The following ANKH variants were observed in gnomAD, a reference collection of about 807,000 sequenced individuals.
ANKH encodes ANKH inorganic pyrophosphate transport regulator, also known as mineralization regulator ANKH.
A neutral mutation model predicts 49.0 loss-of-function variants in ANKH; 15 were observed. The ratio of observed to expected loss-of-function variants is 0.31; its 90% CI spans 0.20 to 0.47. ANKH has a LOEUF of 0.47. Ranked by LOEUF, ANKH falls within the 20% of genes least tolerant of loss-of-function variation. ANKH has a pLI of 1.00. For missense variants in ANKH, 429 were observed against 652.0 expected (o/e 0.66, Z 3.72); for synonymous variants, 273 against 260.0 (o/e 1.05, Z -0.48).
intron 8 of ANKH, among the ~76,000 whole-genome samples, chr5:14,739,141 G>C (rs1380839120): frequency 1.3e-5 from 2 of 152,196 alleles, no homozygotes; most frequent in African/African-American, 4.8e-5. Context: ...CTCCGGCTGG[G>C]CGCAGTGGCT....
chr5:14,793,113 T>G (rs1691007), intron 1 of ANKH, among the ~76,000 whole-genome samples: 1 of 140,158 alleles, frequency 7.1e-6, no homozygotes, highest in African/African-American at 2.7e-5. Flanking sequence ...ATTTATATAT[T>G]ATATATATAA....
chr5:14,711,389 C>G, intron 11 of ANKH, 79 bp from the exon 12 acceptor site: 1 of 1,298,640 alleles, frequency 7.7e-7, no homozygotes, highest in South Asian at 1.2e-5. Flanking sequence ...GGAGACAACA[C>G]CGGGGTCTTG....
chr5:14,733,371 T>G (rs1738066124), intron 8 of ANKH, among the ~76,000 whole-genome samples: 1 of 152,172 alleles, frequency 6.6e-6, no homozygotes, highest in Non-Finnish European at 1.5e-5. Context: ...AGTCAGCCTT[T>G]AAGAGAAAAT....
At chr5:14,816,560 G>A (rs1741044545) in intron 1 of ANKH, among the ~76,000 whole-genome samples, 1 of 152,116 alleles carries the variant, frequency 6.6e-6, no homozygotes, top group Non-Finnish European at 1.5e-5. Context: ...TTATAAAAGC[G>A]ACGTAAAAGC....
chr5:14,741,505 G>A (rs772429246), intron 8 of ANKH: 1 of 290,126 alleles, frequency 3.4e-6, no homozygotes, highest in Non-Finnish European at 6.6e-6. Context: ...TGGTTGTAAA[G>A]TTGACTTTCG....
intron 8 of ANKH, among the ~76,000 whole-genome samples, chr5:14,728,698 G>C (rs1478320744): frequency 6.6e-6 from 1 of 152,208 alleles, no homozygotes. Flanking sequence ...AGGTGAGACA[G>C]GGTCATTCTC....
rs1353320932 is a variant in ANKH at position 14,745,322 on chromosome 5, G to C, written c.915+548C>G. 6.6e-6 allele frequency among the ~76,000 whole-genome samples: 1 copy of C among 152,230 alleles called. No homozygotes were observed. Among genetic ancestry groups the C allele is most frequent in the African/African-American group, 2.4e-5 (1 of 41,462 alleles). On this transcript the variant is annotated intron_variant, in intron 7 of 11. Coordinates refer to ENST00000284268, the MANE Select transcript of ANKH (RefSeq NM_054027.6). The surrounding 1 kb of genome is among the most constrained non-coding windows in gnomAD (Gnocchi z 4.7). ...TGACTGGGTCACAAGTTACAGGGCA[G>C]AAGGGTTATGTGACTCCCATGGCTG... is the stretch of plus-strand genomic sequence containing the variant.
At chr5:14,838,692 T>G (rs943332557) in intron 1 of ANKH, among the ~76,000 whole-genome samples, 21 of 152,322 alleles carry the variant, frequency 1.4e-4, no homozygotes, top group Admixed American at 1.2e-3. Flanking sequence ...TAATTCCAGC[T>G]GGATTATTTT....
intron 1 of ANKH, chr5:14,797,897 GT>G: frequency 1.9e-6 from 3 of 1,611,734 alleles, no homozygotes; most frequent in Non-Finnish European, 2.5e-6. Flanking sequence ...GCAAGTCTGG[GT>G]TGCATTCTCC....
intron 1 of ANKH, among the ~76,000 whole-genome samples, chr5:14,853,712 T>G (rs1561085128): frequency 1.3e-5 from 2 of 152,136 alleles, no homozygotes; most frequent in African/African-American, 2.4e-5. Context: ...TCGCCCAGGC[T>G]GGAGTGCAGT....
intron 1 of ANKH, among the ~76,000 whole-genome samples, chr5:14,810,955 T>C (rs964041860): frequency 8.5e-5 from 13 of 152,258 alleles, no homozygotes; most frequent in African/African-American, 3.1e-4. Flanking sequence ...AAAATGCTAC[T>C]TTATGAAGAA....
chr5:14,846,018 G>A (rs972827007), intron 1 of ANKH, among the ~76,000 whole-genome samples: 1 of 151,676 alleles, frequency 6.6e-6, no homozygotes, highest in Non-Finnish European at 1.5e-5. Flanking sequence ...ACCACGCCCG[G>A]CAAATTTTTT....
intron 8 of ANKH, among the ~76,000 whole-genome samples, chr5:14,717,395 A>G (rs1206304076): frequency 6.6e-6 from 1 of 152,228 alleles, no homozygotes; most frequent in Non-Finnish European, 1.5e-5. Context: ...GAACTCTGGA[A>G]AGCAGATGGG....
rs916267921 is a variant in ANKH, at chr5:14,859,182, C to T, written c.96+12170G>A. 2.0e-5 allele frequency among the ~76,000 whole-genome samples: 3 copies of T among 152,194 alleles called. No homozygotes were observed. The South Asian group carries it at 6.2e-4, about 32-fold the overall frequency. The stretch of plus-strand genomic sequence containing the variant: ...CAACAGCTCCCTATTCTCCTCTCCC[C>T]TGGCCTCTGGTAACTACTATTCTAC... On this transcript the variant is annotated intron_variant, in intron 1 of 11. Coordinates refer to ENST00000284268, the MANE Select transcript of ANKH (RefSeq NM_054027.6).
chr5:14,855,244 A>G (rs922594917), intron 1 of ANKH, among the ~76,000 whole-genome samples: 4 of 152,206 alleles, frequency 2.6e-5, no homozygotes, highest in African/African-American at 9.7e-5. Flanking sequence ...TCCCAGAGCA[A>G]AGCCCCTGGT....
intron 1 of ANKH, among the ~76,000 whole-genome samples, chr5:14,779,781 A>G (rs1250743748): frequency 6.6e-6 from 1 of 152,200 alleles, no homozygotes; most frequent in Non-Finnish European, 1.5e-5. Context: ...TCGTTTCTCA[A>G]TAGATGGGTA....
At chr5:14,722,448 C>A (rs1737700068) in intron 8 of ANKH, among the ~76,000 whole-genome samples, 1 of 152,174 alleles carries the variant, frequency 6.6e-6, no homozygotes, top group African/African-American at 2.4e-5. Context: ...AGAGAAATGA[C>A]TCATTCTAGG....
intron 1 of ANKH, among the ~76,000 whole-genome samples, chr5:14,789,641 G>A (rs1740096849): frequency 6.6e-6 from 1 of 152,078 alleles, no homozygotes; most frequent in Non-Finnish European, 1.5e-5. Flanking sequence ...TTTCAAGATG[G>A]CAAAGTGCAG....
chr5:14,802,183 G>A (rs1017749728), intron 1 of ANKH, among the ~76,000 whole-genome samples: 3 of 151,992 alleles, frequency 2.0e-5, no homozygotes, highest in East Asian at 1.9e-4. Flanking sequence ...ATCTCAGTGC[G>A]TTCAGAAATG....
Sources: allele counts gnomAD v4.1 joint callset (sites outside exome capture counted in the v4.1 genomes callset), GRCh38; gene constraint gnomAD v4.1.1; non-coding constraint Gnocchi (gnomAD v3.1); transcripts MANE v1.5; gene names NCBI Gene and HGNC (gene_info 2026-07-23, HGNC 2026-07-21).